Variants in TNFSF4 observed in about 807,000 individuals in gnomAD.
TNFSF4 encodes tumor necrosis factor ligand superfamily member 4.
Under a neutral mutation model 7.3 loss-of-function variants are expected in TNFSF4, and 4 were observed. The ratio of observed to expected loss-of-function variants is 0.55; its 90% CI spans 0.27 to 1.25. The LOEUF is 1.25. TNFSF4 is among the 50% of genes most tolerant of loss of function. TNFSF4 has a pLI of 0.12. For missense variants in TNFSF4, 181 were observed against 208.8 expected, an observed-to-expected ratio of 0.87 and a Z score of 0.82; for synonymous variants, 76 against 83.7, an observed-to-expected ratio of 0.91 and a Z score of 0.50.
At chr1:173,364,269 CAT>C in the TNFSF4 span, among the ~76,000 whole-genome samples, 4 of 145,324 alleles carry the variant, frequency 2.8e-5, no homozygotes, top group Non-Finnish European at 4.5e-5. Flanking sequence ...GGGTTCATAA[CAT>C]ATTGTTCAAA....
chr1:173,199,416 T>C (rs1649846480), intron 1 of TNFSF4, among the ~76,000 whole-genome samples: 1 of 152,214 alleles, frequency 6.6e-6, no homozygotes, highest in Non-Finnish European at 1.5e-5. Context: ...CTAAATCTAA[T>C]ATGACTGGTG....
chr1:173,325,108 T>G, the TNFSF4 span, among the ~76,000 whole-genome samples: 1 of 152,132 alleles, frequency 6.6e-6, no homozygotes, highest in African/African-American at 2.4e-5. Context: ...GACCACATAC[T>G]TGGAAGTAAA....
the TNFSF4 span, among the ~76,000 whole-genome samples, chr1:173,272,340 T>C: frequency 2.9e-4 from 44 of 152,176 alleles, no homozygotes; most frequent in African/African-American, 1.0e-3. Flanking sequence ...ACTTAAAGTA[T>C]AATAATAAAA....
the TNFSF4 span, among the ~76,000 whole-genome samples, chr1:173,406,946 G>A: frequency 2.0e-5 from 3 of 152,170 alleles, no homozygotes; most frequent in Non-Finnish European, 4.4e-5. Flanking sequence ...ACTGGGTTCT[G>A]AGCAGGGCGA....
chr1:173,278,656 CATAGA>C, the TNFSF4 span, among the ~76,000 whole-genome samples: 5 of 152,030 alleles, frequency 3.3e-5, no homozygotes, highest in Admixed American at 2.6e-4. Flanking sequence ...ATTATATAAA[CATAGA>C]ATAAACTTCT....
chr1:173,286,765 T>C, the TNFSF4 span, among the ~76,000 whole-genome samples: 4 of 152,144 alleles, frequency 2.6e-5, no homozygotes, highest in Non-Finnish European at 5.9e-5. Context: ...AAATCAAGCA[T>C]GTGTTGATCA....
At chr1:173,379,748 A>G in the TNFSF4 span, among the ~76,000 whole-genome samples, 2 of 152,350 alleles carry the variant, frequency 1.3e-5, no homozygotes, top group South Asian at 4.1e-4. Context: ...GGTGGTTCAG[A>G]GAGGACAGAA....
chr1:173,188,363 T>C (rs763928524), intron 2 of TNFSF4, 158 bp downstream of exon 2: 4 of 632,374 alleles, frequency 6.3e-6, no homozygotes, highest in Non-Finnish European at 1.1e-5. Flanking sequence ...GTATCCCTAA[T>C]GAAAATAATA....
the TNFSF4 span, among the ~76,000 whole-genome samples, chr1:173,281,252 G>T: frequency 6.6e-6 from 1 of 152,058 alleles, no homozygotes; most frequent in Non-Finnish European, 1.5e-5. Flanking sequence ...TTTGCCAAGG[G>T]TGATTTCAAT....
At chr1:173,427,626 T>C in the TNFSF4 span, among the ~76,000 whole-genome samples, 1 of 152,224 alleles carries the variant, frequency 6.6e-6, no homozygotes, top group African/African-American at 2.4e-5. Flanking sequence ...GATAAGTCTC[T>C]AGAGTCAACT....
the TNFSF4 span, among the ~76,000 whole-genome samples, chr1:173,375,054 C>T: frequency 2.0e-5 from 3 of 152,230 alleles, no homozygotes; most frequent in East Asian, 3.9e-4. Flanking sequence ...CACTTTCAAA[C>T]TCTTAAACCA....
chr1:173,248,970 G>A, the TNFSF4 span, among the ~76,000 whole-genome samples: 1 of 152,162 alleles, frequency 6.6e-6, no homozygotes, highest in Non-Finnish European at 1.5e-5. Context: ...AGTTTTAGAA[G>A]TTTTACTTTG....
the TNFSF4 span, among the ~76,000 whole-genome samples, chr1:173,406,622 C>T: frequency 6.6e-6 from 1 of 152,188 alleles, no homozygotes; most frequent in Non-Finnish European, 1.5e-5. Context: ...ATTATACTCA[C>T]TATTTCTTCA....
At chr1:173,311,690 A>G in the TNFSF4 span, among the ~76,000 whole-genome samples, 773 of 152,134 alleles carry the variant, frequency 5.1e-3, 10 homozygotes, top group African/African-American at 0.018. Flanking sequence ...GGGATACAAG[A>G]GTCAACCAGG....
chr1:173,215,969 TC>T, the TNFSF4 span, among the ~76,000 whole-genome samples: 3 of 152,092 alleles, frequency 2.0e-5, no homozygotes, highest in South Asian at 6.2e-4. Context: ...AAAAGCAGAA[TC>T]CCAGGCCCCA....
At chr1:173,207,576 G>A (rs1395799228), upstream of TNFSF4, among the ~76,000 whole-genome samples, 1 of 152,092 alleles carries the variant, frequency 6.6e-6, no homozygotes, top group Non-Finnish European at 1.5e-5. Context: ...ACTTGGTAAA[G>A]ATAAAAATCA....
chr1:173,357,365 C>T, the TNFSF4 span, among the ~76,000 whole-genome samples: 1 of 152,098 alleles, frequency 6.6e-6, no homozygotes, highest in African/African-American at 2.4e-5. Flanking sequence ...GCCATGGGTG[C>T]GGGAGGGAAG....
chr1:173,393,882 G>C, the TNFSF4 span, among the ~76,000 whole-genome samples: 2 of 152,050 alleles, frequency 1.3e-5, no homozygotes, highest in African/African-American at 4.8e-5. Flanking sequence ...ATCCCATACT[G>C]CATAACTTGC....
At chr1:173,436,923 C>T in the TNFSF4 span, among the ~76,000 whole-genome samples, 1 of 152,124 alleles carries the variant, frequency 6.6e-6, no homozygotes, top group Non-Finnish European at 1.5e-5. Flanking sequence ...CTTTTGGCTA[C>T]CGGGAGGTGA....
Sources: allele counts gnomAD v4.1 joint callset (sites outside exome capture counted in the v4.1 genomes callset), GRCh38; gene constraint gnomAD v4.1.1; transcripts MANE v1.5; gene names NCBI Gene and HGNC (gene_info 2026-07-23, HGNC 2026-07-21).